The following DLG1 variants were observed in gnomAD, a reference collection of about 807,000 sequenced individuals.
DLG1 encodes the protein disks large homolog 1.
In DLG1, 42 loss-of-function variants were observed where a neutral mutation model predicts 123.4. The observed-to-expected ratio is 0.34, with a 90% CI of 0.27 to 0.44. The LOEUF is 0.44. Ranked by LOEUF, DLG1 falls within the 20% of genes least tolerant of loss-of-function variation. The probability of loss-of-function intolerance (pLI) is 1.00; values close to 1 mark genes in which losing one functional copy is unlikely to be tolerated. For synonymous variants in DLG1, 317 were observed against 356.2 expected (o/e 0.89, Z 1.24); for missense variants, 942 against 1,082.6 (o/e 0.87, Z 1.82).
chr3:197,073,984 T>C (rs1179529743), intron 18 of DLG1, among the ~76,000 whole-genome samples: 1 of 152,152 alleles, frequency 6.6e-6, no homozygotes, highest in Admixed American at 6.5e-5. Flanking sequence ...TTGCTTAGTT[T>C]ATTCCCTACA....
intron 4 of DLG1, among the ~76,000 whole-genome samples, chr3:197,231,472 G>A (rs1206733744): frequency 3.3e-5 from 5 of 152,074 alleles, no homozygotes; most frequent in East Asian, 1.9e-4. Context: ...GAGGCCGAGC[G>A]GGCGGGTCGC....
intron 14 of DLG1, among the ~76,000 whole-genome samples, chr3:197,103,346 G>A (rs541358851): frequency 2.0e-4 from 31 of 152,096 alleles, no homozygotes; most frequent in African/African-American, 6.3e-4. Context: ...TAAGTTACCC[G>A]TAACCATACC....
intron 8 of DLG1, among the ~76,000 whole-genome samples, chr3:197,139,111 GT>G (rs1202666388): frequency 4.6e-5 from 7 of 152,136 alleles, no homozygotes; most frequent in Non-Finnish European, 7.4e-5. Flanking sequence ...ATGGTGTTAT[GT>G]TTTTTAAAAG....
At chr3:197,240,628 T>C (rs1748345734) in intron 4 of DLG1, among the ~76,000 whole-genome samples, 3 of 151,888 alleles carry the variant, frequency 2.0e-5, no homozygotes, top group Admixed American at 2.0e-4. Context: ...ATCTCCAAGA[T>C]AACACAGAAA....
intron 17 of DLG1, among the ~76,000 whole-genome samples, chr3:197,077,655 T>C (rs1052948560): frequency 2.0e-5 from 3 of 152,218 alleles, no homozygotes; most frequent in African/African-American, 7.2e-5. Flanking sequence ...AGCAGTTGAT[T>C]TGATGTCTCT....
chr3:197,127,480 ATATATATATATAT>A (rs1780245054), intron 11 of DLG1, among the ~76,000 whole-genome samples: 3 of 114,668 alleles, frequency 2.6e-5, no homozygotes, highest in African/African-American at 1.0e-4. Flanking sequence ...ATATATATAT[ATATATATATATAT>A]ATAAAGTAAG....
intron 5 of DLG1, among the ~76,000 whole-genome samples, chr3:197,171,046 T>G (rs1052875960): frequency 6.6e-6 from 1 of 152,200 alleles, no homozygotes; most frequent in African/African-American, 2.4e-5. Context: ...TGGTTTTGTA[T>G]GGCATAATTA....
chr3:197,296,899 G>T, intron 2 of DLG1: 1 of 440,128 alleles, frequency 2.3e-6, no homozygotes, highest in Non-Finnish European at 4.0e-6. Flanking sequence ...TGCTTAGTAA[G>T]AATGATAGAG....
At chr3:197,275,441 T>C (rs1455762215) in intron 4 of DLG1, among the ~76,000 whole-genome samples, 1 of 151,306 alleles carries the variant, frequency 6.6e-6, no homozygotes, top group African/African-American at 2.4e-5. Flanking sequence ...GAGATCTACA[T>C]GCCCATGTTT....
At chr3:197,186,703 C>A (rs1716240107) in intron 5 of DLG1, among the ~76,000 whole-genome samples, 1 of 152,192 alleles carries the variant, frequency 6.6e-6, no homozygotes, top group African/African-American at 2.4e-5. Flanking sequence ...ACAAACCCAG[C>A]AGTCTTTAGG....
At chr3:197,264,681 C>T (rs1760943639) in intron 4 of DLG1, among the ~76,000 whole-genome samples, 1 of 152,168 alleles carries the variant, frequency 6.6e-6, no homozygotes, top group Non-Finnish European at 1.5e-5. Context: ...CCTGCCTCGG[C>T]CTCCCAAAGT....
chr3:197,159,949 A>T (rs1798129776), intron 5 of DLG1, among the ~76,000 whole-genome samples: 1 of 152,138 alleles, frequency 6.6e-6, no homozygotes, highest in Non-Finnish European at 1.5e-5. Flanking sequence ...GGCGGCTAAG[A>T]TTATGTGCCA....
rs71623339 is a variant in DLG1 at position 197,158,634 on chromosome 3, CAAAAAAA to C, written c.484-8845_484-8839del. Among the ~76,000 whole-genome samples the C allele has an allele frequency of 7.3e-4, 49 of 67,488 alleles. 1 individual carries two copies. Among genetic ancestry groups the C allele is most frequent in the Admixed American group, 1.4e-3 (7 of 4,870 alleles). The allele number at this position is 67,488 out of a possible 152,430, so 44.3% of individuals were successfully genotyped here. ...GGGTAACAAGAGCAAAACTCCATTTCAAAAAAAAAAAAAAAAAAAAAAAGCCCAGAGG... is the reference window on the plus strand; with the variant it reads ...GGGTAACAAGAGCAAAACTCCATTTCAAAAAAAAAAAAAAAAGCCCAGAGG... On this transcript the variant is annotated intron_variant, in intron 5 of 24. Transcript: ENST00000667157.
intron 20 of DLG1, 88 bp from the exon 21 acceptor site, chr3:197,065,897 AC>A: frequency 1.3e-6 from 1 of 793,256 alleles, no homozygotes; most frequent in Non-Finnish European, 2.0e-6. Flanking sequence ...AATATCCTTA[AC>A]TGTTATGACT....
intron 4 of DLG1, among the ~76,000 whole-genome samples, chr3:197,265,115 TACATTTCAA>T (rs1761123088): frequency 6.6e-6 from 1 of 152,214 alleles, no homozygotes; most frequent in Non-Finnish European, 1.5e-5. Context: ...CTGAGTAAGG[TACATTTCAA>T]GCCTATGTGT....
intron 5 of DLG1, among the ~76,000 whole-genome samples, chr3:197,177,157 G>C (rs1807557816): frequency 6.6e-6 from 1 of 152,040 alleles, no homozygotes; most frequent in Admixed American, 6.6e-5. Flanking sequence ...TTCCAAGTCT[G>C]AGTCATCATA....
chr3:197,103,198 G>C (rs1764483334), intron 14 of DLG1, among the ~76,000 whole-genome samples: 1 of 152,026 alleles, frequency 6.6e-6, no homozygotes, highest in South Asian at 2.1e-4. Flanking sequence ...CCTCTACTTG[G>C]TTGTCCAGGT....
chr3:197,276,673 T>C (rs984217169), intron 4 of DLG1, among the ~76,000 whole-genome samples: 27 of 152,114 alleles, frequency 1.8e-4, no homozygotes, highest in Non-Finnish European at 3.1e-4. Context: ...TCCTTTTTCA[T>C]ATATGTGACA....
intron 5 of DLG1, among the ~76,000 whole-genome samples, chr3:197,157,717 G>A (rs1796976960): frequency 6.6e-6 from 1 of 152,042 alleles, no homozygotes; most frequent in South Asian, 2.1e-4. Context: ...AGAATTTCAC[G>A]GTACCCTGAA....
Sources: gnomAD v4.1 joint callset for allele counts (sites outside exome capture counted in the v4.1 genomes callset) on GRCh38, gnomAD v4.1.1 for gene constraint, MANE v1.5 for transcripts, NCBI Gene and HGNC (gene_info 2026-07-23, HGNC 2026-07-21) for gene names.